Variants in PKP1 observed in about 807,000 individuals in gnomAD.
The protein encoded by PKP1 is plakophilin 1.
In PKP1, 27 loss-of-function variants were observed where a neutral mutation model predicts 76.4. That is an observed-to-expected ratio of 0.35 (90% confidence interval 0.26 to 0.49). The LOEUF (loss-of-function observed/expected upper bound fraction) is 0.49, where lower values mean the gene tolerates loss of function less well. PKP1 is among the 20% of genes least tolerant of loss of function. The pLI, the probability that PKP1 is intolerant of heterozygous loss-of-function variation, is 0.99. For missense variants in PKP1, 964 were observed against 955.2 expected (o/e 1.01, Z -0.12); for synonymous variants, 404 against 384.2 (o/e 1.05, Z -0.60).
chr1:201,324,840 C>T, intron 10 of PKP1, 101 bp from the exon 11 acceptor site: 1 of 1,267,532 alleles, frequency 7.9e-7, no homozygotes, highest in Admixed American at 1.9e-5. Context: ...TGGCTCAGAG[C>T]CCGGCAGAAG....
chr1:201,323,677 G>A (rs1002401875), intron 9 of PKP1, among the ~76,000 whole-genome samples: 1 of 152,188 alleles, frequency 6.6e-6, no homozygotes, highest in African/African-American at 2.4e-5. Context: ...GAGGAAACCT[G>A]TTGCAATCAA....
In PKP1 at chr1:201,308,564, G is replaced by C. The variant is rs142878160; in HGVS notation, c.307-4602G>C. Among the ~76,000 whole-genome samples the C allele has an allele frequency of 1.4e-4, 21 of 152,336 alleles. No homozygotes were observed. The East Asian group carries it at 4.0e-3, about 29-fold the overall frequency. On this transcript the variant is annotated intron_variant, in intron 2 of 13. Coordinates refer to ENST00000367324, the MANE Select transcript of PKP1 (RefSeq NM_001005337.3). The stretch of plus-strand genomic sequence containing the variant: ...ACAGGCCTTTTGGAGATGACAGGTG[G>C]AGAAGAGGCCTTAGATAAATGTAGG...
intron 8 of PKP1, 41 bp downstream of exon 8, chr1:201,322,174 C>T: frequency 6.3e-7 from 1 of 1,599,638 alleles, no homozygotes; most frequent in Non-Finnish European, 8.5e-7. Flanking sequence ...CCCCATCAAG[C>T]ACCCCCCCAG....
intron 6 of PKP1, 80 bp from the exon 7 acceptor site, chr1:201,320,187 C>A (rs146465582): frequency 2.2e-5 from 19 of 873,350 alleles, no homozygotes; most frequent in Non-Finnish European, 5.7e-6. Context: ...GCCTGTCCCC[C>A]ACCACACTCT....
At chr1:201,293,487 C>T (rs1655985910) in intron 1 of PKP1, among the ~76,000 whole-genome samples, 2 of 152,190 alleles carry the variant, frequency 1.3e-5, no homozygotes, top group Admixed American at 6.5e-5. Context: ...AATCCAGAGT[C>T]CTGTCCTGAA....
chr1:201,326,749 G>T (rs915613356), intron 12 of PKP1, among the ~76,000 whole-genome samples: 3 of 152,232 alleles, frequency 2.0e-5, no homozygotes, highest in Non-Finnish European at 1.5e-5. Flanking sequence ...GTGGAGCTTT[G>T]TTCAGGCAGG....
In PKP1 at chr1:201,313,574, G is replaced by A. The variant is rs1246817653; in HGVS notation, c.701+14G>A. ...GGCCAGCTCCAAGTGAGTGCTGCTGGGCTGGGTTGGGGAGCCAGGAGGGCC... is the reference window on the plus strand; with the variant it reads ...GGCCAGCTCCAAGTGAGTGCTGCTGAGCTGGGTTGGGGAGCCAGGAGGGCC... On this transcript the variant is annotated intron_variant, in intron 3 of 13. Coordinates refer to ENST00000367324, the MANE Select transcript of PKP1 (RefSeq NM_001005337.3). 1.2e-6 allele frequency: 2 copies of A among 1,607,490 alleles called. No homozygotes were observed.
chr1:201,310,012 G>C (rs1656492504), intron 2 of PKP1, among the ~76,000 whole-genome samples: 1 of 152,186 alleles, frequency 6.6e-6, no homozygotes, highest in Non-Finnish European at 1.5e-5. Flanking sequence ...TATGTCTGTG[G>C]GGTGAGACTA....
At chr1:201,321,707 A>G (rs576438738) in intron 7 of PKP1, among the ~76,000 whole-genome samples, 1 of 152,294 alleles carries the variant, frequency 6.6e-6, no homozygotes, top group South Asian at 2.1e-4. Flanking sequence ...AGTGAAATGG[A>G]CAATTGTAGT....
At position 201,313,570 on chromosome 1, in the gene PKP1, G is replaced by T; in HGVS notation, c.701+10G>T. On this transcript the variant is annotated intron_variant, in intron 3 of 13. Transcript: ENST00000367324. Reference sequence around the variant, plus strand: ...CTAGGGCCAGCTCCAAGTGAGTGCTGCTGGGCTGGGTTGGGGAGCCAGGAG... The same window carrying T: ...CTAGGGCCAGCTCCAAGTGAGTGCTTCTGGGCTGGGTTGGGGAGCCAGGAG... 6.2e-7 allele frequency: 1 copy of T among 1,608,704 alleles called. No individual in the cohort carries two copies. Among genetic ancestry groups the T allele is most frequent in the Non-Finnish European group, 8.5e-7 (1 of 1,176,356 alleles).
intron 2 of PKP1, among the ~76,000 whole-genome samples, chr1:201,306,001 G>A (rs1558187216): frequency 2.0e-5 from 3 of 152,190 alleles, no homozygotes; most frequent in Non-Finnish European, 2.9e-5. Context: ...ATGGCTGAGG[G>A]CCAGTGGTCC....
intron 1 of PKP1, among the ~76,000 whole-genome samples, chr1:201,293,448 G>C (rs1655984921): frequency 6.6e-6 from 1 of 152,196 alleles, no homozygotes. Flanking sequence ...AGGAAGTTTG[G>C]TCACTGGTAG....
At chr1:201,318,478 T>C in intron 5 of PKP1, 140 bp from the exon 6 acceptor site, 3 of 713,998 alleles carry the variant, frequency 4.2e-6, no homozygotes, top group Admixed American at 4.1e-5. Flanking sequence ...AGACAGACAA[T>C]AGGTTCTACA....
In PKP1 at chr1:201,309,701, C is replaced by T. The variant is rs113117931; in HGVS notation, c.307-3465C>T. On this transcript the variant is annotated intron_variant, in intron 2 of 13. Coordinates refer to ENST00000367324, the MANE Select transcript of PKP1 (RefSeq NM_001005337.3). ...CTGCAGCGGGCGCACGTGCACTGCCCGTGCATCCTCTTCTGGCTGCAGCTG... is the reference window on the plus strand; with the variant it reads ...CTGCAGCGGGCGCACGTGCACTGCCTGTGCATCCTCTTCTGGCTGCAGCTG... Among the ~76,000 whole-genome samples the T allele has an allele frequency of 7.0e-3, 1,069 of 152,250 alleles. 16 individuals are homozygous for T. The highest frequency in any genetic ancestry group is 0.024 in the African/African-American group (995 of 41,536).
chr1:201,299,923 C>T (rs3819796), intron 2 of PKP1, among the ~76,000 whole-genome samples: 75,026 of 152,196 alleles, frequency 0.49, 22,443 homozygotes, highest in East Asian at 0.73. Context: ...CCGGGCCTCT[C>T]GTCTTTTCTT....
In PKP1 at chr1:201,323,169, C is replaced by T. The variant is rs1242062518; in HGVS notation, c.1660C>T (p.Leu554=). The T allele has an allele frequency of 1.2e-6, 2 of 1,613,940 alleles. No individual in the cohort carries two copies. Among genetic ancestry groups the T allele is most frequent in the African/African-American group, 1.3e-5 (1 of 74,934 alleles). ...LEACAGALQN[L]TASKGLMSSG... ...GGCCTGTGCTGGTGCCCTGCAGAAC[C>T]TGACAGCCAGCAAGGGGCTGGTGAG... The change falls in exon 9 of 14, where the codon CTG becomes TTG. Residue 554 remains leucine, a synonymous_variant. Transcript: ENST00000367324.
intron 12 of PKP1, among the ~76,000 whole-genome samples, chr1:201,327,309 G>A (rs989038006): frequency 2.0e-5 from 3 of 152,152 alleles, no homozygotes; most frequent in East Asian, 1.9e-4. Context: ...GTTGAGCAGC[G>A]TGGGGCAGAA....
intron 5 of PKP1, 39 bp downstream of exon 5, chr1:201,317,818 G>A (rs1414810374): frequency 7.0e-6 from 11 of 1,580,752 alleles, no homozygotes; most frequent in Non-Finnish European, 9.5e-6. Flanking sequence ...CCTGAGGGCT[G>A]TGCAAGGCCA....
chr1:201,287,998 C>T (rs1655786786), intron 1 of PKP1, among the ~76,000 whole-genome samples: 1 of 152,144 alleles, frequency 6.6e-6, no homozygotes, highest in South Asian at 2.1e-4. Flanking sequence ...CAATACACCC[C>T]ACACATGAAT....
Sources: gnomAD v4.1 joint callset for allele counts (sites outside exome capture counted in the v4.1 genomes callset) on GRCh38, gnomAD v4.1.1 for gene constraint, MANE v1.5 for transcripts, NCBI Gene and HGNC (gene_info 2026-07-23, HGNC 2026-07-21) for gene names.